RSPH3: variants seen among roughly 807,000 people sequenced by gnomAD.
RSPH3 encodes radial spoke head 3, also known as radial spoke head protein 3 homolog.
RSPH3 carries 21 observed loss-of-function variants against 43.8 expected under a neutral mutation model. The ratio of observed to expected loss-of-function variants is 0.48; its 90% CI spans 0.34 to 0.69. The LOEUF (loss-of-function observed/expected upper bound fraction) is 0.69, where lower values mean the gene tolerates loss of function less well. Among genes scored for constraint, RSPH3 ranks in the 30% least tolerant of loss-of-function variants. The probability of loss-of-function intolerance (pLI) is 0.01; values close to 1 mark genes in which losing one functional copy is unlikely to be tolerated. For missense variants in RSPH3, 487 were observed against 516.0 expected, an observed-to-expected ratio of 0.94 and a Z score of 0.54; for synonymous variants, 173 against 179.8, an observed-to-expected ratio of 0.96 and a Z score of 0.30.
intron 1 of RSPH3, 79 bp downstream of exon 1, chr6:158,999,356 G>T: frequency 1.5e-6 from 2 of 1,334,042 alleles, no homozygotes; most frequent in Admixed American, 5.2e-5. Context: ...CAGCTTTTTT[G>T]CCAGGGCGAA....
Position 158,977,737 on chromosome 6 carries a change from T to A in RSPH3, c.1058A>T (p.Glu353Val), listed in dbSNP as rs751117453. The A allele has an allele frequency of 6.8e-6, 11 of 1,614,122 alleles. No homozygotes were observed. The highest frequency in any genetic ancestry group is 9.3e-6 in the Non-Finnish European group (11 of 1,179,988). Reference sequence around the variant, plus strand: ...CAGGAATTCAGAGGCCTCCAGTGACTCTGTCATTGCTCCAGGACCACCAGG... The same window carrying A: ...CAGGAATTCAGAGGCCTCCAGTGACACTGTCATTGCTCCAGGACCACCAGG... ...DEPGGPGAMT[E>V]SLEASEFLEQ... The change falls in exon 8 of 8, where the codon GAG (glutamate) becomes GTG (valine). Residue 353 changes from glutamate to valine, a missense_variant. Glu to Val is a moderately radical substitution (Grantham distance 121, BLOSUM62 -2). Transcript: ENST00000367069.
intron 3 of RSPH3, among the ~76,000 whole-genome samples, chr6:158,984,434 TTA>T (rs55999313): frequency 0.073 from 4,650 of 63,286 alleles, 122 homozygotes; most frequent in African/African-American, 0.099. Flanking sequence ...AAAAAGTCAA[TTA>T]TATATATATA....
At chr6:158,963,422 T>C in the RSPH3 span, among the ~76,000 whole-genome samples, 1 of 82,184 alleles carries the variant, frequency 1.2e-5, no homozygotes. Flanking sequence ...TCCTTCCCCC[T>C]TCCCTTCCCT....
intron 5 of RSPH3, among the ~76,000 whole-genome samples, chr6:158,981,206 G>C (rs925498642): frequency 8.5e-5 from 13 of 152,152 alleles, no homozygotes; most frequent in African/African-American, 3.1e-4. Flanking sequence ...TGACAGTATA[G>C]ATGGTAGCAA....
chr6:158,966,647 G>A, the RSPH3 span, among the ~76,000 whole-genome samples: 2 of 151,656 alleles, frequency 1.3e-5, no homozygotes, highest in African/African-American at 2.4e-5. Context: ...CTTTATTAAC[G>A]TAGGGCTGGT....
Position 158,999,669 on chromosome 6 carries a change from A to G in RSPH3, c.-119T>C, listed in dbSNP as rs1371364014. ...CCAAGGGCAAGGATTCCGCGACGCG[A>G]GGAGAGGCGACAACAAGGGAGGCGG... On this transcript the variant is annotated 5_prime_UTR_variant, in exon 1 of 8. Coordinates refer to ENST00000367069, the MANE Select transcript of RSPH3 (RefSeq NM_031924.8). 2 of 1,613,874 alleles carry G rather than the reference A, an allele frequency of 1.2e-6. No individual in the cohort carries two copies. Among genetic ancestry groups the G allele is most frequent in the African/African-American group, 1.3e-5 (1 of 74,890 alleles).
downstream of RSPH3, among the ~76,000 whole-genome samples, chr6:158,967,968 C>T (rs921810582): frequency 1.3e-5 from 2 of 152,116 alleles, no homozygotes; most frequent in African/African-American, 2.4e-5. Flanking sequence ...GTCTTTGAAT[C>T]TAAAGTGTGT....
chr6:158,982,738 T>A, intron 4 of RSPH3, 50 bp from the exon 5 acceptor site: 2 of 1,274,498 alleles, frequency 1.6e-6, no homozygotes, highest in Non-Finnish European at 1.1e-6. Context: ...ACGAATCAAA[T>A]GCTCAACAAA....
Position 158,977,866 on chromosome 6 carries a change from C to T in RSPH3, c.947-18G>A. The T allele has an allele frequency of 6.4e-7, 1 of 1,572,580 alleles. No homozygotes were observed. Among genetic ancestry groups the T allele is most frequent in the East Asian group, 2.2e-5 (1 of 44,576 alleles). The stretch of plus-strand genomic sequence containing the variant: ...GATCAACACTGAAAAGTTAAATGTT[C>T]AGACATCACTATGATTTTCATATTA... On this transcript the variant is annotated intron_variant, in intron 7 of 7. Transcript: ENST00000367069.
chr6:158,977,908 T>C, intron 7 of RSPH3, 60 bp from the exon 8 acceptor site: 1 of 1,382,852 alleles, frequency 7.2e-7, no homozygotes, highest in Non-Finnish European at 9.9e-7. Context: ...ATTTCAGGAG[T>C]TATAATGCTC....
chr6:158,978,549 T>A (rs895992275), intron 6 of RSPH3, among the ~76,000 whole-genome samples: 5 of 152,208 alleles, frequency 3.3e-5, no homozygotes, highest in African/African-American at 4.8e-5. Context: ...TTTATTTTTT[T>A]ATTTTTTTTG....
chr6:158,969,945 AG>A (rs1392766654), downstream of RSPH3, among the ~76,000 whole-genome samples: 1 of 152,068 alleles, frequency 6.6e-6, no homozygotes, highest in African/African-American at 2.4e-5. Context: ...GGTTTTCTTT[AG>A]TTCTTTGAAT....
Position 158,989,611 on chromosome 6 carries a change from G to C in RSPH3, c.205-3190C>G, listed in dbSNP as rs1778341918. Reference sequence around the variant, plus strand: ...TGAGTTATACAGCAGAGTGTCCAGGGCTGGAGATGGTAGTCTCACCTCCCC... The same window carrying C: ...TGAGTTATACAGCAGAGTGTCCAGGCCTGGAGATGGTAGTCTCACCTCCCC... On this transcript the variant is annotated intron_variant, in intron 2 of 7. Transcript: ENST00000367069. The surrounding 1 kb of genome is among the most constrained non-coding windows in gnomAD (Gnocchi z 4.3). Among the ~76,000 whole-genome samples, 1 of 152,124 alleles carries C rather than the reference G, an allele frequency of 6.6e-6. No individual in the cohort carries two copies. The highest frequency in any genetic ancestry group is 6.5e-5 in the Admixed American group (1 of 15,282).
intron 1 of RSPH3, among the ~76,000 whole-genome samples, chr6:158,997,962 T>C (rs1322900889): frequency 6.8e-6 from 1 of 147,252 alleles, no homozygotes; most frequent in Non-Finnish European, 1.5e-5. Flanking sequence ...AATTACATTG[T>C]TGATGTTCAA....
chr6:158,970,006 TC>T (rs1211723848), downstream of RSPH3, among the ~76,000 whole-genome samples: 2 of 152,290 alleles, frequency 1.3e-5, no homozygotes, highest in Non-Finnish European at 2.9e-5. Context: ...AATCTGGACT[TC>T]CTTGGGAACA....
chr6:158,993,158 G>A (rs1271111499), intron 2 of RSPH3, among the ~76,000 whole-genome samples: 1 of 151,760 alleles, frequency 6.6e-6, no homozygotes, highest in Non-Finnish European at 1.5e-5. Context: ...TCACTCTGTC[G>A]CCAGACTGGA....
intron 2 of RSPH3, among the ~76,000 whole-genome samples, chr6:158,987,610 T>C (rs1481593146): frequency 6.6e-6 from 1 of 152,206 alleles, no homozygotes; most frequent in African/African-American, 2.4e-5. Context: ...TTTTAATTTT[T>C]GGTGAATCTA....
the RSPH3 span, among the ~76,000 whole-genome samples, chr6:158,965,029 T>C: frequency 6.6e-6 from 1 of 152,170 alleles, no homozygotes; most frequent in African/African-American, 2.4e-5. Flanking sequence ...GGGTATCTAG[T>C]TGTTCCATTA....
intron 4 of RSPH3, among the ~76,000 whole-genome samples, 197 bp from the exon 5 acceptor site, chr6:158,982,885 C>T (rs1415502551): frequency 6.6e-6 from 1 of 152,050 alleles, no homozygotes; most frequent in African/African-American, 2.4e-5. Context: ...TCTGTTAAGT[C>T]AAAGTTATGA....
Sources: allele counts gnomAD v4.1 joint callset (sites outside exome capture counted in the v4.1 genomes callset), GRCh38; gene constraint gnomAD v4.1.1; non-coding constraint Gnocchi (gnomAD v3.1); transcripts MANE v1.5; gene names NCBI Gene and HGNC (gene_info 2026-07-23, HGNC 2026-07-21).